Variants in PPP1R21 observed in about 807,000 individuals in gnomAD.
The protein encoded by PPP1R21 is KLRAQ motif containing 1.
A neutral mutation model predicts 112.8 loss-of-function variants in PPP1R21; 85 were observed. That is an observed-to-expected ratio of 0.75 (90% CI 0.63 to 0.90). PPP1R21 has a LOEUF of 0.90. PPP1R21 is among the 40% of genes least tolerant of loss of function. The pLI, the probability that PPP1R21 is intolerant of heterozygous loss-of-function variation, is 0.00. For missense variants in PPP1R21, 1,199 were observed against 901.5 expected (o/e 1.33, Z -4.23); for synonymous variants, 381 against 322.3 (o/e 1.18, Z -1.95).
At chr2:48,442,596 C>T (rs888884698) in intron 1 of PPP1R21, among the ~76,000 whole-genome samples, 49 of 152,262 alleles carry the variant, frequency 3.2e-4, no homozygotes, top group African/African-American at 1.2e-3. Flanking sequence ...AATATTCTAA[C>T]GTAGTACATA....
At chr2:48,510,645 C>T (rs1488732390) in intron 20 of PPP1R21, among the ~76,000 whole-genome samples, 1 of 152,180 alleles carries the variant, frequency 6.6e-6, no homozygotes, top group Non-Finnish European at 1.5e-5. Flanking sequence ...TAATTAGGCA[C>T]ACAGGATTAG....
At chr2:48,459,652 G>T in intron 4 of PPP1R21, 102 bp from the exon 5 acceptor site, 1 of 1,290,002 alleles carries the variant, frequency 7.8e-7, no homozygotes, top group South Asian at 1.5e-5. Context: ...GTCAGCATAT[G>T]GAACCATGTG....
intron 15 of PPP1R21, among the ~76,000 whole-genome samples, chr2:48,494,767 G>T (rs560576197): frequency 6.6e-6 from 1 of 152,180 alleles, no homozygotes; most frequent in East Asian, 1.9e-4. Context: ...GCCCAGGCTG[G>T]AGTGCAGTGA....
intron 4 of PPP1R21, among the ~76,000 whole-genome samples, chr2:48,458,989 G>A (rs983852638): frequency 6.6e-6 from 1 of 151,680 alleles, no homozygotes; most frequent in Non-Finnish European, 1.5e-5. Flanking sequence ...CTACTTGGGA[G>A]GCTGAGGCAG....
intron 17 of PPP1R21, among the ~76,000 whole-genome samples, chr2:48,505,091 C>G (rs748745621): frequency 6.6e-6 from 1 of 152,172 alleles, no homozygotes; most frequent in Admixed American, 6.5e-5. Context: ...TTTATGCTTA[C>G]TCATGTCATA....
chr2:48,465,396 C>A, intron 8 of PPP1R21, 97 bp from the exon 9 acceptor site: 1 of 1,102,896 alleles, frequency 9.1e-7, no homozygotes, highest in Non-Finnish European at 1.3e-6. Flanking sequence ...AATAATCACA[C>A]TAGGATTCAA....
chr2:48,493,972 G>A (rs1380020187), intron 15 of PPP1R21, among the ~76,000 whole-genome samples: 7 of 147,408 alleles, frequency 4.7e-5, no homozygotes, highest in East Asian at 2.0e-4. Flanking sequence ...CTGTAATCCC[G>A]ACACTTTGGG....
intron 17 of PPP1R21, among the ~76,000 whole-genome samples, chr2:48,500,680 G>C (rs1203798904): frequency 6.6e-6 from 1 of 152,170 alleles, no homozygotes; most frequent in African/African-American, 2.4e-5. Flanking sequence ...GAAGGCCGAG[G>C]CGGGTGGATT....
At chr2:48,467,733 G>A (rs1470747762) in intron 9 of PPP1R21, among the ~76,000 whole-genome samples, 2 of 152,140 alleles carry the variant, frequency 1.3e-5, no homozygotes, top group Non-Finnish European at 2.9e-5. Context: ...CTTCAGTATC[G>A]TATTGGTCAC....
At chr2:48,459,016 C>T (rs368127281) in intron 4 of PPP1R21, among the ~76,000 whole-genome samples, 50 of 146,610 alleles carry the variant, frequency 3.4e-4, no homozygotes, top group East Asian at 1.4e-3. Flanking sequence ...GGCGTGAACC[C>T]GGGAGGCGGA....
intron 1 of PPP1R21, among the ~76,000 whole-genome samples, chr2:48,448,635 A>G (rs1162102145): frequency 6.7e-6 from 1 of 148,600 alleles, no homozygotes; most frequent in Non-Finnish European, 1.5e-5. Flanking sequence ...AGACTGAAGC[A>G]GTATTGCTAT....
intron 15 of PPP1R21, among the ~76,000 whole-genome samples, chr2:48,494,522 G>C (rs1259262489): frequency 6.6e-6 from 1 of 151,688 alleles, no homozygotes; most frequent in Non-Finnish European, 1.5e-5. Flanking sequence ...CGCCTCCTGG[G>C]TTCAAGCGAT....
At chr2:48,449,493 C>G (rs1438209091) in intron 1 of PPP1R21, among the ~76,000 whole-genome samples, 1 of 152,204 alleles carries the variant, frequency 6.6e-6, no homozygotes, top group Non-Finnish European at 1.5e-5. Context: ...ACTGTCATCT[C>G]TAACTTTCTA....
chr2:48,509,881 AG>A, intron 19 of PPP1R21, 133 bp from the exon 20 acceptor site: 1 of 578,548 alleles, frequency 1.7e-6, no homozygotes, highest in Non-Finnish European at 3.1e-6. Flanking sequence ...CAATGCCTAT[AG>A]GTATTCAACA....
chr2:48,481,334 C>G (rs1669002010), intron 13 of PPP1R21, among the ~76,000 whole-genome samples: 2 of 152,156 alleles, frequency 1.3e-5, no homozygotes, highest in Non-Finnish European at 2.9e-5. Flanking sequence ...CAGAATTAGC[C>G]TTGGTTTCAG....
At chr2:48,495,838 T>C (rs753229410) in intron 16 of PPP1R21, 67 bp downstream of exon 16, 2 of 903,244 alleles carry the variant, frequency 2.2e-6, no homozygotes, top group Admixed American at 1.8e-5. Context: ...ATAGAAAGTT[T>C]TTAAGATACG....
intron 3 of PPP1R21, 84 bp downstream of exon 3, chr2:48,454,825 C>A: frequency 9.8e-7 from 1 of 1,016,276 alleles, no homozygotes; most frequent in Non-Finnish European, 1.5e-6. Flanking sequence ...ACAGAAGACC[C>A]CACTGCCGAA....
chr2:48,486,855 A>T, intron 14 of PPP1R21, 97 bp downstream of exon 14: 1 of 1,332,270 alleles, frequency 7.5e-7, no homozygotes, highest in Non-Finnish European at 1.0e-6. Context: ...GGATTTTGTA[A>T]TATAAGGGTT....
chr2:48,480,518 A>G (rs1668964479), intron 13 of PPP1R21, among the ~76,000 whole-genome samples: 1 of 152,230 alleles, frequency 6.6e-6, no homozygotes, highest in African/African-American at 2.4e-5. Context: ...CATTTTGGTC[A>G]GTTTTCAATT....
Sources: gnomAD v4.1 joint callset for allele counts (sites outside exome capture counted in the v4.1 genomes callset) on GRCh38, gnomAD v4.1.1 for gene constraint, MANE v1.5 for transcripts, NCBI Gene and HGNC (gene_info 2026-07-23, HGNC 2026-07-21) for gene names.